Variants in ADGB observed in about 807,000 individuals in gnomAD.
The protein encoded by ADGB is androglobin.
ADGB carries 172 observed loss-of-function variants against 210.5 expected under a neutral mutation model. The observed-to-expected ratio is 0.82, with a 90% CI of 0.72 to 0.93. ADGB has a LOEUF of 0.93. ADGB is among the 40% of genes least tolerant of loss of function. ADGB has a pLI of 0.00. For synonymous variants in ADGB, 658 were observed against 662.7 expected, an observed-to-expected ratio of 0.99 and a Z score of 0.11; for missense variants, 2,025 against 1,964.8, an observed-to-expected ratio of 1.03 and a Z score of -0.58.
At chr6:146,764,148 A>G (rs1777541521) in intron 28 of ADGB, 48 bp downstream of exon 28, 1 of 1,432,628 alleles carries the variant, frequency 7.0e-7, no homozygotes, top group East Asian at 2.5e-5. Flanking sequence ...AAACCCTAAC[A>G]TAAAACAAAA....
At chr6:146,786,818 AT>A (rs1777881721) in intron 32 of ADGB, among the ~76,000 whole-genome samples, 2 of 152,112 alleles carry the variant, frequency 1.3e-5, no homozygotes, top group African/African-American at 4.8e-5. Context: ...TTTTTTTTAT[AT>A]TTTGTTTTAA....
At chr6:146,677,580 T>G (rs1181422021) in intron 9 of ADGB, among the ~76,000 whole-genome samples, 1 of 152,172 alleles carries the variant, frequency 6.6e-6, no homozygotes, top group Non-Finnish European at 1.5e-5. Context: ...TGAGAAACAT[T>G]ACATTAGCAG....
At position 146,736,385 on chromosome 6, in the gene ADGB, A is replaced by C. The variant is rs1271524226; in HGVS notation, c.2795-113A>C. 6.0e-6 allele frequency: 4 copies of C among 666,226 alleles called. No homozygotes were observed. In the Admixed American group the frequency reaches 1.3e-4, roughly 22 times the overall value. The allele number at this position is 666,226 out of a possible 1,614,324, so 41.3% of individuals were successfully genotyped here. A position where few individuals can be genotyped will look rare whatever the true frequency, so the allele number is the denominator to read the frequency against. ...CTGCTAATGAAGCCTATGACTTTGA[A>C]TACCATCTTACTTGTGAGTTTCAAC... On this transcript the variant is annotated intron_variant, in intron 22 of 35. Coordinates refer to ENST00000397944, the MANE Select transcript of ADGB (RefSeq NM_024694.4).
At chr6:146,644,905 T>A in intron 3 of ADGB, 40 bp downstream of exon 3, 1 of 1,209,568 alleles carries the variant, frequency 8.3e-7, no homozygotes, top group Non-Finnish European at 1.1e-6. Flanking sequence ...ACTTACTATG[T>A]GGATGTATTA....
intron 1 of ADGB, 97 bp downstream of exon 1, chr6:146,599,211 C>CA (rs775969235): frequency 2.3e-5 from 27 of 1,181,958 alleles, no homozygotes; most frequent in Non-Finnish European, 3.3e-5. Flanking sequence ...TGTGCCAGGG[C>CA]AGAAGTTTAG....
chr6:146,606,080 T>A (rs1355055862), intron 1 of ADGB, among the ~76,000 whole-genome samples: 1 of 152,148 alleles, frequency 6.6e-6, no homozygotes, highest in Non-Finnish European at 1.5e-5. Flanking sequence ...AAACCTCACC[T>A]GCATCTGTTA....
At chr6:146,625,767 C>T (rs570007405) in intron 1 of ADGB, among the ~76,000 whole-genome samples, 65 of 152,162 alleles carry the variant, frequency 4.3e-4, no homozygotes, top group Non-Finnish European at 7.6e-4. Context: ...GAACCATTAA[C>T]CAGTTAAACC....
At chr6:146,690,713 A>G (rs1039790691) in intron 10 of ADGB, among the ~76,000 whole-genome samples, 2 of 152,216 alleles carry the variant, frequency 1.3e-5, no homozygotes, top group Non-Finnish European at 2.9e-5. Flanking sequence ...TCAAGAAAGT[A>G]GTATTTAAAA....
At position 146,654,144 on chromosome 6, in the gene ADGB, G is replaced by A; in HGVS notation, c.340G>A (p.Val114Ile). 6.5e-7 allele frequency: 1 copy of A among 1,534,850 alleles called. No individual in the cohort carries two copies. Among genetic ancestry groups the A allele is most frequent in the Non-Finnish European group, 8.8e-7 (1 of 1,134,114 alleles). ...QDILFSQTPV[V>I]VKNEITFDLF... ...TATATATTTTTTTCAGACTCCAGTA[G>A]TTGTGAAAAATGAAATCACGTTTGA... Residue 114 changes from valine (V) to isoleucine (I), a missense_variant, in exon 4 of 36, where the codon GTT becomes ATT. Transcript: ENST00000397944.
Position 146,717,006 on chromosome 6 carries a change from C to T in ADGB, c.1865C>T (p.Thr622Ile), listed in dbSNP as rs1252501082. Reference sequence around the variant, plus strand: ...GAAAAGTCACAGGAAGAACTTCCAACAACAAATAATAGTGTTTCTAAAGAA... The same window carrying T: ...GAAAAGTCACAGGAAGAACTTCCAATAACAAATAATAGTGTTTCTAAAGAA... Reference protein sequence around the residue: ...TQEKSQEELPTTNNSVSKEIW... With the variant: ...TQEKSQEELPITNNSVSKEIW... The change falls in exon 15 of 36, where the codon ACA becomes ATA. Residue 622 changes from threonine (T) to isoleucine (I), a missense_variant. Thr to Ile is a moderately conservative substitution (Grantham distance 89). Coordinates refer to ENST00000397944, the MANE Select transcript of ADGB (RefSeq NM_024694.4). 6.4e-7 allele frequency: 1 copy of T among 1,551,544 alleles called. No homozygotes were observed. Among genetic ancestry groups the T allele is most frequent in the Non-Finnish European group, 8.7e-7 (1 of 1,146,908 alleles).
At chr6:146,683,637 G>A (rs937128002) in intron 9 of ADGB, among the ~76,000 whole-genome samples, 1 of 151,888 alleles carries the variant, frequency 6.6e-6, no homozygotes, top group African/African-American at 2.4e-5. Flanking sequence ...TCTATAATAT[G>A]TCAAGACCAC....
At chr6:146,642,863 A>G (rs572635040) in intron 2 of ADGB, among the ~76,000 whole-genome samples, 2 of 152,006 alleles carry the variant, frequency 1.3e-5, no homozygotes, top group East Asian at 1.9e-4. Context: ...CCCCTGTGAC[A>G]TGAGTTTACC....
chr6:146,716,599 CAAAAAA>C (rs10606792), intron 14 of ADGB, among the ~76,000 whole-genome samples: 10 of 66,814 alleles, frequency 1.5e-4, no homozygotes, highest in African/African-American at 2.8e-4. Context: ...GACTCCGTCT[CAAAAAA>C]AAAAAAAAAA....
At chr6:146,785,144 C>T (rs1777855825) in intron 31 of ADGB, among the ~76,000 whole-genome samples, 1 of 152,142 alleles carries the variant, frequency 6.6e-6, no homozygotes, top group African/African-American at 2.4e-5. Context: ...CTTTACTACA[C>T]TTTGCGCAGC....
At chr6:146,672,894 C>A (rs1245344967) in intron 8 of ADGB, among the ~76,000 whole-genome samples, 1 of 152,020 alleles carries the variant, frequency 6.6e-6, no homozygotes, top group African/African-American at 2.4e-5. Context: ...CCACGCCCAG[C>A]TAATTTTTGT....
At chr6:146,657,429 G>A (rs1458233234) in intron 5 of ADGB, among the ~76,000 whole-genome samples, 2 of 152,172 alleles carry the variant, frequency 1.3e-5, no homozygotes, top group Non-Finnish European at 2.9e-5. Context: ...GTTTTTATAG[G>A]ATATCAATTG....
chr6:146,622,628 C>A (rs919293746), intron 1 of ADGB, among the ~76,000 whole-genome samples: 3 of 152,056 alleles, frequency 2.0e-5, no homozygotes, highest in Admixed American at 6.6e-5. Flanking sequence ...GGGTACAAAC[C>A]TTTTACCAGG....
intron 1 of ADGB, among the ~76,000 whole-genome samples, chr6:146,632,691 T>C (rs1228721698): frequency 6.6e-6 from 1 of 152,188 alleles, no homozygotes; most frequent in Non-Finnish European, 1.5e-5. Flanking sequence ...TCTCAGTAGG[T>C]AGTCTTAACA....
chr6:146,619,946 C>T (rs80068060), intron 1 of ADGB, among the ~76,000 whole-genome samples: 7,898 of 152,094 alleles, frequency 0.052, 300 homozygotes, highest in East Asian at 0.18. Flanking sequence ...TTTGGTATTT[C>T]GTGTAAGACA....
Sources: allele counts gnomAD v4.1 joint callset (sites outside exome capture counted in the v4.1 genomes callset), GRCh38; gene constraint gnomAD v4.1.1; transcripts MANE v1.5; gene names NCBI Gene and HGNC (gene_info 2026-07-23, HGNC 2026-07-21).